The following LUZP1 variants were observed in gnomAD, a reference collection of about 807,000 sequenced individuals.
LUZP1 encodes the protein filamin mechanobinding actin cross-linking protein.
A neutral mutation model predicts 71.3 loss-of-function variants in LUZP1; 25 were observed. That is an observed-to-expected ratio of 0.35 (90% confidence interval 0.26 to 0.49). The LOEUF (loss-of-function observed/expected upper bound fraction) is 0.49. LUZP1 is among the 20% of genes least tolerant of loss of function. LUZP1 has a pLI of 0.99. For missense variants in LUZP1, 1,142 were observed against 1,300.8 expected, an observed-to-expected ratio of 0.88 and a Z score of 1.88; for synonymous variants, 481 against 506.4, an observed-to-expected ratio of 0.95 and a Z score of 0.67.
chr1:23,126,252 T>C (rs1021119023), intron 2 of LUZP1, among the ~76,000 whole-genome samples: 7 of 152,142 alleles, frequency 4.6e-5, no homozygotes, highest in South Asian at 2.1e-4. Context: ...CAGTGCTCTC[T>C]CAACTCATAT....
At chr1:23,167,678 T>C (rs1481435491) in intron 2 of LUZP1, among the ~76,000 whole-genome samples, 9 of 152,228 alleles carry the variant, frequency 5.9e-5, no homozygotes, top group Admixed American at 4.6e-4. Context: ...CAAGATGGTC[T>C]TTCTCGGCTC....
At chr1:23,162,832 GAAAC>G (rs1644479494) in intron 2 of LUZP1, 1 of 152,072 alleles carries the variant, frequency 6.6e-6, no homozygotes, top group Non-Finnish European at 1.5e-5. Context: ...TAAAAATAAA[GAAAC>G]AAACGGTATA....
At chr1:23,092,125 T>C in exon 4 of LUZP1, 4 of 1,614,214 alleles carry the variant, frequency 2.5e-6, no homozygotes, top group East Asian at 4.5e-5. Context: ...TCATTCTCCA[T>C]TCCAGCATCT....
intron 3 of LUZP1, among the ~76,000 whole-genome samples, chr1:23,106,599 T>C (rs1378940387): frequency 6.6e-6 from 1 of 151,956 alleles, no homozygotes; most frequent in African/African-American, 2.4e-5. Flanking sequence ...AGTGAGACCC[T>C]GTCTCAAAAA....
intron 2 of LUZP1, among the ~76,000 whole-genome samples, chr1:23,115,115 G>A (rs1172849798): frequency 2.0e-5 from 3 of 152,016 alleles, no homozygotes; most frequent in Non-Finnish European, 4.4e-5. Context: ...TACTTAAATC[G>A]CATCAATAAT....
chr1:23,123,419 G>A (rs1005865673), intron 2 of LUZP1, among the ~76,000 whole-genome samples: 1 of 151,604 alleles, frequency 6.6e-6, no homozygotes, highest in African/African-American at 2.4e-5. Flanking sequence ...TTGAACCCGG[G>A]AGGCGGAGGT....
At chr1:23,136,844 G>C (rs1336955946) in intron 2 of LUZP1, among the ~76,000 whole-genome samples, 1 of 152,352 alleles carries the variant, frequency 6.6e-6, no homozygotes, top group East Asian at 1.9e-4. Context: ...CATGAACCCG[G>C]GAGGCGGAGC....
intron 2 of LUZP1, among the ~76,000 whole-genome samples, chr1:23,109,386 C>T (rs190414387): frequency 6.6e-6 from 1 of 152,284 alleles, no homozygotes; most frequent in Admixed American, 6.5e-5. Flanking sequence ...AGGGTAGAAC[C>T]CACTGTCTTT....
At chr1:23,141,370 T>C (rs1569654614) in intron 2 of LUZP1, among the ~76,000 whole-genome samples, 1 of 152,156 alleles carries the variant, frequency 6.6e-6, no homozygotes. Flanking sequence ...CACACCCTCA[T>C]GCCATGTTCA....
chr1:23,176,736 C>T (rs1644584201), intron 1 of LUZP1, among the ~76,000 whole-genome samples: 1 of 152,192 alleles, frequency 6.6e-6, no homozygotes. Flanking sequence ...ATCTGGGATC[C>T]TGTAGAGGCC....
intron 3 of LUZP1, among the ~76,000 whole-genome samples, chr1:23,105,182 A>T (rs1003174913): frequency 1.3e-5 from 2 of 152,198 alleles, no homozygotes; most frequent in African/African-American, 4.8e-5. Flanking sequence ...AGATGGGATA[A>T]GGGCCTGAAC....
At chr1:23,089,934 A>G (rs989044034) in intron 4 of LUZP1, among the ~76,000 whole-genome samples, 1 of 152,004 alleles carries the variant, frequency 6.6e-6, no homozygotes, top group African/African-American at 2.4e-5. Context: ...CTAATTTTGT[A>G]TTTTTAGTAG....
chr1:23,149,780 G>C (rs936991462), intron 2 of LUZP1, among the ~76,000 whole-genome samples: 1 of 151,826 alleles, frequency 6.6e-6, no homozygotes, highest in Non-Finnish European at 1.5e-5. Context: ...TGACCAACAT[G>C]GTGAAACCCC....
In LUZP1 at chr1:23,099,150, T is replaced by C. The variant is rs1005110817; in HGVS notation, c.-119-4770A>G. ...GAGGGAAAAAACCTCCTATAGTTTA[T>C]GTTTTTAAAAAGAAAGCTTTTCCCT... On this transcript the variant is annotated intron_variant, in intron 3 of 4. Transcript: ENST00000302291. 2.6e-5 allele frequency among the ~76,000 whole-genome samples: 4 copies of C among 152,346 alleles called. No individual in the cohort carries two copies. The East Asian group carries it at 5.8e-4, about 22-fold the overall frequency.
chr1:23,174,009 A>G (rs979704602), intron 1 of LUZP1, among the ~76,000 whole-genome samples: 5 of 152,148 alleles, frequency 3.3e-5, no homozygotes, highest in African/African-American at 1.2e-4. Flanking sequence ...CCCTGTCTGT[A>G]TTAGTCAGAG....
At position 23,091,179 on chromosome 1, in the gene LUZP1, C is replaced by A; in HGVS notation, c.3072+11G>T. On this transcript the variant is annotated intron_variant, in intron 4 of 4. Coordinates refer to ENST00000302291, the Ensembl canonical transcript of LUZP1. ...GGAGAAAAGAGAGAGGGGAGAGAGGCTGGAACTCACCATGCTTGCTGAGTG... is the reference window on the plus strand; with the variant it reads ...GGAGAAAAGAGAGAGGGGAGAGAGGATGGAACTCACCATGCTTGCTGAGTG... The A allele has an allele frequency of 6.3e-7, 1 of 1,591,000 alleles. No homozygotes were observed. The highest frequency in any genetic ancestry group is 1.1e-5 in the South Asian group (1 of 87,036).
At chr1:23,091,717 G>A in exon 4 of LUZP1, 1 of 1,614,100 alleles carries the variant, frequency 6.2e-7, no homozygotes, top group Non-Finnish European at 8.5e-7. Flanking sequence ...GTGATGTCAT[G>A]TTTGTGAATG....
chr1:23,099,902 G>A lies in LUZP1; in HGVS notation c.-119-5522C>T, dbSNP rs535766828. 3.3e-5 allele frequency among the ~76,000 whole-genome samples: 5 copies of A among 152,262 alleles called. No homozygotes were observed. The East Asian group carries it at 9.7e-4, about 29-fold the overall frequency. ...AGCCCTTCATGATGTGGCCCCGCCA[G>A]CCTCTTCATCTACATCCTCGCCCTC... On this transcript the variant is annotated intron_variant, in intron 3 of 4. Transcript: ENST00000302291.
Position 23,094,087 on chromosome 1 carries a change from A to G in LUZP1, c.175T>C (p.Ser59Pro). The G allele has an allele frequency of 6.2e-7, 1 of 1,614,142 alleles. No homozygotes were observed. The highest frequency in any genetic ancestry group is 8.5e-7 in the Non-Finnish European group (1 of 1,180,024). The change falls in exon 4 of 5, where the codon TCC becomes CCC. Residue 59 changes from serine (S) to proline (P), a missense_variant. Physicochemically the swap from Ser to Pro is moderately conservative, Grantham distance 74. Transcript: ENST00000302291. The surrounding 1 kb of genome is among the most constrained non-coding windows in gnomAD (Gnocchi z 4.7). ...ACTTCAATCTCCGCCAACATGCTGG[A>G]GTTGCTACCTTCTGCCTGAATCACC...
Sources: gnomAD v4.1 joint callset for allele counts (sites outside exome capture counted in the v4.1 genomes callset) on GRCh38, gnomAD v4.1.1 for gene constraint, Gnocchi (gnomAD v3.1) non-coding constraint, MANE v1.5 for transcripts, NCBI Gene and HGNC (gene_info 2026-07-23, HGNC 2026-07-21) for gene names.